The following MROH2B variants were observed in gnomAD, a reference collection of about 807,000 sequenced individuals.
The protein encoded by MROH2B is maestro heat like repeat family member 2B, also known as maestro heat-like repeat-containing protein family member 2B.
In MROH2B, 177 loss-of-function variants were observed where a neutral mutation model predicts 208.6. That is an observed-to-expected ratio of 0.85 (90% CI 0.75 to 0.96). The LOEUF is 0.96. Among genes scored for constraint, MROH2B ranks in the 40% least tolerant of loss-of-function variants. The probability of loss-of-function intolerance (pLI) is 0.00; values close to 1 mark genes in which losing one functional copy is unlikely to be tolerated. For synonymous variants in MROH2B, 728 were observed against 659.0 expected (o/e 1.10, Z -1.60); for missense variants, 2,002 against 1,878.7 (o/e 1.07, Z -1.21).
At position 41,041,636 on chromosome 5, in the gene MROH2B, A is replaced by G. The variant is rs575090004; in HGVS notation, c.1953+456T>C. 2.0e-3 allele frequency among the ~76,000 whole-genome samples: 301 copies of G among 152,232 alleles called. 1 individual carries two copies. The highest frequency in any genetic ancestry group is 6.9e-3 in the African/African-American group (288 of 41,554). ...GACACTCTGTCTCAACAACAACAACAACAACAACAAAATACACATCTTCTC... is the reference window on the plus strand; with the variant it reads ...GACACTCTGTCTCAACAACAACAACGACAACAACAAAATACACATCTTCTC... On this transcript the variant is annotated intron_variant, in intron 19 of 41. Coordinates refer to ENST00000399564, the MANE Select transcript of MROH2B (RefSeq NM_173489.5).
At position 41,019,010 on chromosome 5, in the gene MROH2B, T is replaced by G. The variant is rs762200430; in HGVS notation, c.2450A>C (p.Lys817Thr). 1.2e-6 allele frequency: 2 copies of G among 1,613,716 alleles called. No homozygotes were observed. Among genetic ancestry groups the G allele is most frequent in the African/African-American group, 2.7e-5 (2 of 74,896 alleles). The change falls in exon 25 of 42, where the codon AAA (lysine) becomes ACA (threonine). Residue 817 changes from lysine to threonine, a missense_variant. Coordinates refer to ENST00000399564, the MANE Select transcript of MROH2B (RefSeq NM_173489.5). ...GTGGTCTTGTAGTGAGAGCTGAGGT[T>G]TCAGTTTACTGAAATGAGAACCAGG... is the stretch of plus-strand genomic sequence containing the variant. ...LIAIRYLSKL[K>T]PQLSLQDHLN...
chr5:41,054,834 C>G lies in MROH2B; in HGVS notation c.1040G>C (p.Arg347Thr), dbSNP rs1195833757. Reference protein sequence around the residue: ...LRLAVNADEPRLRDHIISIER... With the variant: ...LRLAVNADEPTLRDHIISIER... ...TATTGAAATGATGTGATCCCTCAAC[C>G]TGGGCTCTGAAAGACAGAGGGAGAA... Residue 347 changes from arginine (R) to threonine (T), a missense_variant, in exon 11 of 42, where the codon AGG becomes ACG. Arg to Thr is a moderately conservative substitution (Grantham distance 71, BLOSUM62 -1). Coordinates refer to ENST00000399564, the MANE Select transcript of MROH2B (RefSeq NM_173489.5). 1.9e-6 allele frequency: 3 copies of G among 1,609,118 alleles called. No homozygotes were observed. Among genetic ancestry groups the G allele is most frequent in the Non-Finnish European group, 2.5e-6 (3 of 1,177,474 alleles).
intron 11 of MROH2B, among the ~76,000 whole-genome samples, chr5:41,053,345 T>C (rs889701363): frequency 1.3e-5 from 2 of 152,226 alleles, no homozygotes; most frequent in Non-Finnish European, 2.9e-5. Context: ...ATTTCCATTA[T>C]GGGTTTCTAT....
rs780521003 is a variant in MROH2B at position 41,004,327 on chromosome 5, C to G, written c.4194+19G>C. 3 of 1,607,904 alleles carry G rather than the reference C, an allele frequency of 1.9e-6. No homozygotes were observed. On this transcript the variant is annotated intron_variant, in intron 37 of 41. Transcript: ENST00000399564. Reference sequence around the variant, plus strand: ...TCACTCACTTCTGGGGAGGGAAGTTCCTAAACAGGCTCACTTACATCTTCA... The same window carrying G: ...TCACTCACTTCTGGGGAGGGAAGTTGCTAAACAGGCTCACTTACATCTTCA...
At chr5:41,024,750 T>C (rs1162275592) in intron 24 of MROH2B, among the ~76,000 whole-genome samples, 1 of 152,160 alleles carries the variant, frequency 6.6e-6, no homozygotes, top group Non-Finnish European at 1.5e-5. Context: ...AAGCACCACG[T>C]CACACTTATT....
chr5:41,015,611 C>G (rs934444635), intron 28 of MROH2B, 133 bp from the exon 29 acceptor site: 12 of 701,644 alleles, frequency 1.7e-5, no homozygotes, highest in Non-Finnish European at 2.9e-5. Context: ...CTAACACATA[C>G]TGAGTGGTTT....
chr5:41,034,654 A>G (rs940696728), intron 21 of MROH2B, among the ~76,000 whole-genome samples: 1 of 152,142 alleles, frequency 6.6e-6, no homozygotes, highest in African/African-American at 2.4e-5. Context: ...AATTTTTTAA[A>G]AAAAGATTCC....
At chr5:41,059,449 T>C (rs1001976523) in intron 6 of MROH2B, among the ~76,000 whole-genome samples, 1 of 152,244 alleles carries the variant, frequency 6.6e-6, no homozygotes, top group Non-Finnish European at 1.5e-5. Flanking sequence ...ATCATTCTTA[T>C]AGAGTTCTAT....
In MROH2B at chr5:41,033,781, TTATCTATCTATC is replaced by T. The variant is rs368384200; in HGVS notation, c.2241+45_2241+56del. On this transcript the variant is annotated intron_variant, in intron 22 of 41. Transcript: ENST00000399564. ...TTGCTTGGCACACTTCAGGGGGGCA[TTATCTATCTATC>T]TATCTATCTATCTATCTATCTATCT... The T allele has an allele frequency of 5.6e-5, 43 of 770,782 alleles. 2 individuals are homozygous for T. Among genetic ancestry groups the T allele is most frequent in the Admixed American group, 2.2e-4 (7 of 32,362 alleles). The allele number at this position is 770,782 out of a possible 1,614,324, so 47.7% of individuals were successfully genotyped here.
intron 29 of MROH2B, among the ~76,000 whole-genome samples, chr5:41,014,768 C>T (rs549527894): frequency 6.6e-6 from 1 of 152,272 alleles, no homozygotes; most frequent in South Asian, 2.1e-4. Context: ...TTATCTCTTT[C>T]AGGGTGTTCT....
rs1743769833 is a variant in MROH2B at position 41,065,371 on chromosome 5, T to C, written c.321A>G (p.Glu107=). Residue 107 remains glutamate (E), a synonymous_variant, in exon 4 of 42, where the codon GAA becomes GAG. Transcript: ENST00000399564. ...SNFRILELPD[E]FVVLALAELA... ...ATTCAGCCAGGGCAAGCACAACGAA[T>C]TCATCTGGTAGCTCTAAGATCCTGA... 4 of 1,613,400 alleles carry C rather than the reference T, an allele frequency of 2.5e-6. No homozygotes were observed. The highest frequency in any genetic ancestry group is 3.4e-6 in the Non-Finnish European group (4 of 1,179,596).
chr5:41,033,928 A>G (rs1291506761), intron 21 of MROH2B, 64 bp from the exon 22 acceptor site: 5 of 1,532,700 alleles, frequency 3.3e-6, no homozygotes, highest in Non-Finnish European at 8.8e-7. Context: ...TACCCAACCC[A>G]ACAAAAGGAC....
At chr5:41,029,988 C>A (rs1742510263) in intron 24 of MROH2B, among the ~76,000 whole-genome samples, 1 of 151,712 alleles carries the variant, frequency 6.6e-6, no homozygotes, top group African/African-American at 2.4e-5. Context: ...AACTTTTGTG[C>A]ATCAAAGGAT....
At chr5:41,054,937 G>C in intron 10 of MROH2B, 97 bp from the exon 11 acceptor site, 4 of 784,640 alleles carry the variant, frequency 5.1e-6, no homozygotes, top group Non-Finnish European at 7.8e-6. Flanking sequence ...GCACATAATT[G>C]TGAAATCTCT....
chr5:41,045,775 C>G lies in MROH2B; in HGVS notation c.1807G>C (p.Gly603Arg), dbSNP rs1307904381. ...TCAGTGGAGTTATTGCTGTAACTGC[C>G]CATTTGCTGTTTGAAATCCTGAGTC... ...QLTQDFKQQMGSYSNNSTEKK... is the reference protein window; with the variant it reads ...QLTQDFKQQMRSYSNNSTEKK... The change falls in exon 18 of 42, where the codon GGC (glycine) becomes CGC (arginine). Residue 603 changes from glycine (G) to arginine (R), a missense_variant. Gly to Arg is a moderately radical substitution (Grantham distance 125, BLOSUM62 -2). Coordinates refer to ENST00000399564, the MANE Select transcript of MROH2B (RefSeq NM_173489.5). The G allele has an allele frequency of 6.2e-7, 1 of 1,613,464 alleles. No homozygotes were observed. The highest frequency in any genetic ancestry group is 8.5e-7 in the Non-Finnish European group (1 of 1,179,570).
chr5:40,999,954 C>T, intron 39 of MROH2B, 175 bp from the exon 40 acceptor site: 1 of 685,544 alleles, frequency 1.5e-6, no homozygotes, highest in South Asian at 2.0e-5. Context: ...ATCAGGAAGC[C>T]ATCAGAGTTT....
At chr5:41,001,529 G>A (rs1741396553) in intron 37 of MROH2B, among the ~76,000 whole-genome samples, 1 of 152,088 alleles carries the variant, frequency 6.6e-6, no homozygotes, top group South Asian at 2.1e-4. Flanking sequence ...TGGCCAAAAT[G>A]GTGAAACCCT....
At chr5:41,058,893 C>CA (rs1743548683) in intron 6 of MROH2B, among the ~76,000 whole-genome samples, 1 of 151,280 alleles carries the variant, frequency 6.6e-6, no homozygotes, top group Non-Finnish European at 1.5e-5. Flanking sequence ...ACTAAAAATA[C>CA]AAAAATTAGC....
intron 2 of MROH2B, 123 bp from the exon 3 acceptor site, chr5:41,067,341 T>C (rs1259069921): frequency 1.6e-6 from 1 of 607,912 alleles, no homozygotes; most frequent in African/African-American, 1.9e-5. Context: ...GGATTTCATA[T>C]TATATGTCTT....
Sources: gnomAD v4.1 joint callset for allele counts (sites outside exome capture counted in the v4.1 genomes callset) on GRCh38, gnomAD v4.1.1 for gene constraint, MANE v1.5 for transcripts, NCBI Gene and HGNC (gene_info 2026-07-23, HGNC 2026-07-21) for gene names.